Variants in SLIT3 observed in about 807,000 individuals in gnomAD.
The protein encoded by SLIT3 is slit guidance ligand 3, also known as slit homolog 3 protein.
SLIT3 carries 68 observed loss-of-function variants against 184.0 expected under a neutral mutation model. The ratio of observed to expected loss-of-function variants is 0.37; its 90% CI spans 0.30 to 0.45. The LOEUF is 0.45. Ranked by LOEUF, SLIT3 falls within the 20% of genes least tolerant of loss-of-function variation. The pLI, the probability that SLIT3 is intolerant of heterozygous loss-of-function variation, is 1.00. For missense variants in SLIT3, 1,707 were observed against 2,026.0 expected (o/e 0.84, Z 3.02); for synonymous variants, 831 against 828.6 (o/e 1.00, Z -0.05).
chr5:168,745,367 T>C (rs888502160), intron 20 of SLIT3, among the ~76,000 whole-genome samples: 1 of 152,118 alleles, frequency 6.6e-6, no homozygotes, highest in Admixed American at 6.5e-5. Flanking sequence ...GAATATTATA[T>C]AACCTCAGTT....
At chr5:169,002,208 G>A (rs960348685) in intron 4 of SLIT3, among the ~76,000 whole-genome samples, 15 of 150,254 alleles carry the variant, frequency 1.0e-4, no homozygotes, top group African/African-American at 3.4e-4. Context: ...TTGTACTTCC[G>A]GCTACTAGGG....
chr5:169,154,596 C>T (rs1346913238), intron 4 of SLIT3, among the ~76,000 whole-genome samples: 1 of 152,244 alleles, frequency 6.6e-6, no homozygotes. Context: ...ATTGGCTGTG[C>T]AAACTCGAAC....
At chr5:169,176,240 A>G (rs1762980043) in intron 4 of SLIT3, among the ~76,000 whole-genome samples, 1 of 152,178 alleles carries the variant, frequency 6.6e-6, no homozygotes, top group South Asian at 2.1e-4. Context: ...AGTCTCCCCA[A>G]GAAAGCCAAT....
Position 168,837,139 on chromosome 5 carries a change from G to A in SLIT3, c.557+7445C>T, listed in dbSNP as rs998600097. 2.0e-5 allele frequency among the ~76,000 whole-genome samples: 3 copies of A among 152,038 alleles called. No homozygotes were observed. In the East Asian group the frequency reaches 5.8e-4, roughly 29 times the overall value. Reference sequence around the variant, plus strand: ...CCCAGTTTCTTTCCTAGTATTCTAGGGGCTGAATGGAAGTTACAGATGCTT... The same window carrying A: ...CCCAGTTTCTTTCCTAGTATTCTAGAGGCTGAATGGAAGTTACAGATGCTT... On this transcript the variant is annotated intron_variant, in intron 6 of 35. Transcript: ENST00000519560.
At chr5:168,707,555 C>G (rs73322479) in intron 26 of SLIT3, 2,978 of 168,364 alleles carry the variant, frequency 0.018, 95 homozygotes, top group African/African-American at 0.067. Flanking sequence ...CCAGCACTTT[C>G]AAGGCTGGTT....
At chr5:168,952,239 A>G (rs1762672165) in intron 4 of SLIT3, among the ~76,000 whole-genome samples, 1 of 152,218 alleles carries the variant, frequency 6.6e-6, no homozygotes, top group Non-Finnish European at 1.5e-5. Context: ...TGAAAACGCA[A>G]AATAGGATGC....
intron 1 of SLIT3, among the ~76,000 whole-genome samples, chr5:169,254,483 TC>T (rs1765883860): frequency 6.7e-6 from 1 of 149,778 alleles, no homozygotes; most frequent in Non-Finnish European, 1.5e-5. Context: ...TTTCTTTCTT[TC>T]TTTTTTTTTT....
chr5:168,869,003 A>G (rs1324855760), intron 5 of SLIT3, among the ~76,000 whole-genome samples: 1 of 152,148 alleles, frequency 6.6e-6, no homozygotes, highest in Non-Finnish European at 1.5e-5. Context: ...CTCATGGAGC[A>G]GGCCCCCTGC....
intron 4 of SLIT3, among the ~76,000 whole-genome samples, chr5:169,152,061 TA>T (rs1762132847): frequency 6.6e-6 from 1 of 152,178 alleles, no homozygotes; most frequent in African/African-American, 2.4e-5. Flanking sequence ...TTAGTTTTGT[TA>T]TTATGGCTGA....
intron 15 of SLIT3, among the ~76,000 whole-genome samples, chr5:168,761,804 T>C (rs1755159091): frequency 6.6e-6 from 1 of 152,050 alleles, no homozygotes; most frequent in East Asian, 1.9e-4. Context: ...AGTGGTATGA[T>C]CATAGCTCAC....
At chr5:169,143,641 A>C (rs1761820387) in intron 4 of SLIT3, among the ~76,000 whole-genome samples, 1 of 152,222 alleles carries the variant, frequency 6.6e-6, no homozygotes, top group Non-Finnish European at 1.5e-5. Flanking sequence ...TCTACTAAAA[A>C]ATACAAAAAA....
intron 7 of SLIT3, among the ~76,000 whole-genome samples, chr5:168,821,744 C>A (rs1418487470): frequency 6.6e-6 from 1 of 152,136 alleles, no homozygotes; most frequent in African/African-American, 2.4e-5. Flanking sequence ...AACTGCACTT[C>A]ATTCTCACAG....
chr5:169,005,293 A>T (rs1755876335), intron 4 of SLIT3, among the ~76,000 whole-genome samples: 1 of 152,208 alleles, frequency 6.6e-6, no homozygotes, highest in Non-Finnish European at 1.5e-5. Flanking sequence ...AGGTAGGCCT[A>T]TATTCTGTGA....
chr5:169,269,043 C>T (rs182520639), intron 1 of SLIT3, among the ~76,000 whole-genome samples: 130 of 152,300 alleles, frequency 8.5e-4, no homozygotes, highest in African/African-American at 2.9e-3. Context: ...GTATTATCCA[C>T]GGAGTAATGA....
rs1045867617 is a variant in SLIT3, at chr5:169,053,661, C to G, written c.413+139818G>C. 5.3e-5 allele frequency among the ~76,000 whole-genome samples: 8 copies of G among 152,324 alleles called. No individual in the cohort carries two copies. In the East Asian group the frequency reaches 1.5e-3, roughly 29 times the overall value. ...ACATCTGTTTAGTTTCCACCACTCA[C>G]TGAATCCAACTCTATTCAACTCTGG... On this transcript the variant is annotated intron_variant, in intron 4 of 35. Coordinates refer to ENST00000519560, the MANE Select transcript of SLIT3 (RefSeq NM_003062.4).
At chr5:168,874,345 C>T (rs1759653460) in intron 5 of SLIT3, among the ~76,000 whole-genome samples, 1 of 152,170 alleles carries the variant, frequency 6.6e-6, no homozygotes, top group Admixed American at 6.5e-5. Flanking sequence ...TTCATTCATT[C>T]ATTCAGGGTT....
chr5:169,131,649 T>C (rs530917770), intron 4 of SLIT3, among the ~76,000 whole-genome samples: 7 of 152,212 alleles, frequency 4.6e-5, no homozygotes, highest in Admixed American at 2.6e-4. Context: ...AACACCTACT[T>C]TTTCAGCTTG....
intron 20 of SLIT3, among the ~76,000 whole-genome samples, chr5:168,745,669 C>T (rs1384754720): frequency 6.6e-6 from 1 of 152,238 alleles, no homozygotes; most frequent in Non-Finnish European, 1.5e-5. Context: ...GCCTTGGCCT[C>T]CCAAAGTGCT....
chr5:169,157,008 A>T (rs1762332790), intron 4 of SLIT3, among the ~76,000 whole-genome samples: 1 of 152,058 alleles, frequency 6.6e-6, no homozygotes, highest in South Asian at 2.1e-4. Flanking sequence ...ACTTGACTCT[A>T]ACGAGATACC....
Sources: allele counts gnomAD v4.1 joint callset (sites outside exome capture counted in the v4.1 genomes callset), GRCh38; gene constraint gnomAD v4.1.1; transcripts MANE v1.5; gene names NCBI Gene and HGNC (gene_info 2026-07-23, HGNC 2026-07-21).